Variants in OTC observed in about 807,000 individuals in gnomAD.
The protein encoded by OTC is ornithine transcarbamylase, also known as ornithine transcarbamylase, mitochondrial.
In OTC, 3 loss-of-function variants were observed where a neutral mutation model predicts 30.3. The observed-to-expected ratio is 0.10, with a 90% confidence interval of 0.05 to 0.26. OTC has a LOEUF of 0.26. OTC is among the 10% of genes least tolerant of loss of function. The pLI, the probability that OTC is intolerant of heterozygous loss-of-function variation, is 1.00. For missense variants in OTC, 194 were observed against 260.3 expected, an observed-to-expected ratio of 0.75 and a Z score of 1.75; for synonymous variants, 111 against 99.7, an observed-to-expected ratio of 1.11 and a Z score of -0.67.
intron 1 of OTC, among the ~76,000 whole-genome samples, chrX:38,360,545 C>T (rs1195672638): frequency 9.0e-6 from 1 of 111,705 alleles, no homozygotes; most frequent in Non-Finnish European, 1.9e-5. Flanking sequence ...GATATTTAAG[C>T]TTACAGCCTG....
In OTC at chrX:38,352,683, A is replaced by G. The variant is rs1163110534; in HGVS notation, c.-14A>G. 1.7e-6 allele frequency: 2 copies of G among 1,177,540 alleles called. No individual in the cohort carries two copies. Among genetic ancestry groups the G allele is most frequent in the South Asian group, 3.6e-5 (2 of 56,226 alleles). ...TCAAGGGCATAGAATCGTCCTTTAC[A>G]CAATTAAAAGAAGATGCTGTTTAAT... On this transcript the variant is annotated 5_prime_UTR_variant, in exon 1 of 10. Transcript: ENST00000039007.
At chrX:38,422,135 C>A (rs1321512238), downstream of OTC, among the ~76,000 whole-genome samples, 2 of 111,434 alleles carry the variant, frequency 1.8e-5, no homozygotes, top group African/African-American at 6.5e-5. Flanking sequence ...ATGTAATTTC[C>A]TTTACATTCT....
chrX:38,330,924 G>A, the OTC span, among the ~76,000 whole-genome samples: 6 of 111,832 alleles, frequency 5.4e-5, no homozygotes, highest in East Asian at 2.8e-4. Flanking sequence ...TTCCTGCATT[G>A]CAAGCACTAC....
At chrX:38,349,429 G>T (rs1342553135), upstream of OTC, among the ~76,000 whole-genome samples, 1 of 112,548 alleles carries the variant, frequency 8.9e-6, no homozygotes, top group Non-Finnish European at 1.9e-5. Flanking sequence ...GAACATGAAG[G>T]CTCTGTCCTC....
intron 2 of OTC, among the ~76,000 whole-genome samples, chrX:38,369,323 T>C (rs1268383648): frequency 1.8e-5 from 2 of 108,674 alleles, no homozygotes; most frequent in Non-Finnish European, 3.8e-5. Context: ...CCCCCATTTG[T>C]ATAGTACATA....
chrX:38,341,945 G>C, the OTC span, among the ~76,000 whole-genome samples: 6 of 87,187 alleles, frequency 6.9e-5, no homozygotes, highest in Admixed American at 7.3e-4. Flanking sequence ...TTCTTTGTTT[G>C]TTGTTTTTTG....
intron 4 of OTC, among the ~76,000 whole-genome samples, chrX:38,383,252 C>T (rs1433892748): frequency 1.8e-5 from 2 of 111,823 alleles, no homozygotes; most frequent in Non-Finnish European, 3.8e-5. Context: ...ATAATAGCTA[C>T]TCCTTAAAGA....
intron 9 of OTC, among the ~76,000 whole-genome samples, chrX:38,419,657 T>C (rs914659216): frequency 8.9e-6 from 1 of 112,188 alleles, no homozygotes; most frequent in Non-Finnish European, 1.9e-5. Flanking sequence ...GAAATGTTAC[T>C]GATTTATGTA....
chrX:38,344,868 A>C, the OTC span, among the ~76,000 whole-genome samples: 3 of 110,541 alleles, frequency 2.7e-5, no homozygotes, highest in African/African-American at 9.9e-5. Context: ...ATTCAAAACT[A>C]AACATTAAGA....
intron 1 of OTC, among the ~76,000 whole-genome samples, chrX:38,355,834 C>T (rs1431487028): frequency 1.8e-5 from 2 of 111,537 alleles, no homozygotes; most frequent in Non-Finnish European, 1.9e-5. Flanking sequence ...GTCAGGAGTT[C>T]CAGACCAGTT....
chrX:38,387,365 A>G (rs1325151133), intron 4 of OTC, among the ~76,000 whole-genome samples: 1 of 112,425 alleles, frequency 8.9e-6, no homozygotes, highest in Non-Finnish European at 1.9e-5. Context: ...TAAAAATTAG[A>G]TCATAATAAA....
intron 5 of OTC, among the ~76,000 whole-genome samples, chrX:38,402,350 T>C (rs2068493929): frequency 8.9e-6 from 1 of 111,934 alleles, no homozygotes; most frequent in Admixed American, 9.5e-5. Context: ...CTATTCATCA[T>C]AATGTCCCCT....
At chrX:38,328,193 A>G in the OTC span, among the ~76,000 whole-genome samples, 3 of 112,475 alleles carry the variant, frequency 2.7e-5, no homozygotes, top group Non-Finnish European at 5.6e-5. Context: ...ATCATGAAAT[A>G]AAGAAGCAAA....
At chrX:38,351,060 T>TCA (rs1254812006), upstream of OTC, among the ~76,000 whole-genome samples, 1 of 111,958 alleles carries the variant, frequency 8.9e-6, no homozygotes, top group African/African-American at 3.3e-5. Context: ...CTCTCCCTTC[T>TCA]CACCTCTGTA....
chrX:38,385,039 G>A (rs767674059), intron 4 of OTC, among the ~76,000 whole-genome samples: 7 of 111,589 alleles, frequency 6.3e-5, no homozygotes, highest in Non-Finnish European at 1.3e-4. Context: ...CCGAGGGGCT[G>A]GGGGAATGGG....
intron 3 of OTC, among the ~76,000 whole-genome samples, chrX:38,377,892 C>A (rs768132189): frequency 9.0e-6 from 1 of 110,765 alleles, no homozygotes; most frequent in South Asian, 3.9e-4. Flanking sequence ...GGCTGCAGTG[C>A]AGTGGTGCAG....
At chrX:38,346,173 A>G in the OTC span, among the ~76,000 whole-genome samples, 2 of 112,047 alleles carry the variant, frequency 1.8e-5, no homozygotes, top group Non-Finnish European at 1.9e-5. Context: ...ACCAAGAAAG[A>G]TAAATGGACG....
chrX:38,409,852 C>T (rs2068534406), intron 8 of OTC, among the ~76,000 whole-genome samples: 1 of 111,764 alleles, frequency 8.9e-6, no homozygotes, highest in South Asian at 3.7e-4. Flanking sequence ...TAAAATAGAA[C>T]AGAAGTTTGA....
chrX:38,397,195 T>C (rs768848563), intron 4 of OTC, among the ~76,000 whole-genome samples: 1 of 112,191 alleles, frequency 8.9e-6, no homozygotes, highest in Non-Finnish European at 1.9e-5. Context: ...TTTGTACATT[T>C]TATTTACATT....
Sources: allele counts gnomAD v4.1 joint callset (sites outside exome capture counted in the v4.1 genomes callset), GRCh38; gene constraint gnomAD v4.1.1; transcripts MANE v1.5; gene names NCBI Gene and HGNC (gene_info 2026-07-23, HGNC 2026-07-21).